Variants in SAAL1 observed in about 807,000 individuals in gnomAD.
SAAL1 encodes the protein serum amyloid A like 1, also known as protein SAAL1.
In SAAL1, 42 loss-of-function variants were observed where a neutral mutation model predicts 59.8. The ratio of observed to expected loss-of-function variants is 0.70; its 90% CI spans 0.55 to 0.91. The LOEUF (loss-of-function observed/expected upper bound fraction) is 0.91. Ranked by LOEUF, SAAL1 falls within the 40% of genes least tolerant of loss-of-function variation. SAAL1 has a pLI of 0.00. For synonymous variants in SAAL1, 191 were observed against 194.3 expected (o/e 0.98, Z 0.14); for missense variants, 542 against 561.1 (o/e 0.97, Z 0.34).
At chr11:18,081,623 A>C in intron 10 of SAAL1, 120 bp from the exon 11 acceptor site, 1 of 707,068 alleles carries the variant, frequency 1.4e-6, no homozygotes, top group Non-Finnish European at 2.5e-6. Context: ...CAAATGTCCC[A>C]CCTGAACCCA....
At chr11:18,087,565 T>G (rs1316818054) in intron 7 of SAAL1, among the ~76,000 whole-genome samples, 1 of 152,208 alleles carries the variant, frequency 6.6e-6, no homozygotes, top group Non-Finnish European at 1.5e-5. Context: ...AAAAAAAGAC[T>G]GCGATTTTTA....
chr11:18,087,780 G>T (rs1214098727), intron 7 of SAAL1, among the ~76,000 whole-genome samples: 3 of 152,178 alleles, frequency 2.0e-5, no homozygotes, highest in Non-Finnish European at 4.4e-5. Context: ...AAAAGACAGT[G>T]AACAATTAAA....
intron 4 of SAAL1, 41 bp from the exon 5 acceptor site, chr11:18,090,534 G>T: frequency 1.3e-6 from 2 of 1,575,096 alleles, no homozygotes; most frequent in Non-Finnish European, 1.7e-6. Context: ...CTCACTTCTC[G>T]CATTTAAAAT....
At chr11:18,081,286 G>A (rs1590281641) in intron 11 of SAAL1, 125 bp downstream of exon 11, 2 of 652,014 alleles carry the variant, frequency 3.1e-6, no homozygotes, top group East Asian at 2.6e-5. Context: ...TCTGACAAAG[G>A]CATTAAGTCA....
Position 18,090,442 on chromosome 11 carries a change from T to C in SAAL1, c.465A>G (p.Glu155=). The stretch of plus-strand genomic sequence containing the variant: ...TAAAAGGAAAAGCATACCTGCTTGT[T>C]TCCAGCAGAGTAGGTGGGTCTGAAT... ...LYDSDPPTLL[E]TSRLLLTCLS... The change falls in exon 5 of 12, where the codon GAA becomes GAG. Residue 155 remains glutamate, a synonymous_variant. Coordinates refer to ENST00000524803, the MANE Select transcript of SAAL1 (RefSeq NM_138421.3). 1.9e-6 allele frequency: 3 copies of C among 1,608,456 alleles called. No homozygotes were observed. The highest frequency in any genetic ancestry group is 2.5e-6 in the Non-Finnish European group (3 of 1,178,706).
At chr11:18,090,103 AAT>A in intron 6 of SAAL1, 70 bp downstream of exon 6, 1 of 1,363,498 alleles carries the variant, frequency 7.3e-7, no homozygotes, top group Non-Finnish European at 9.9e-7. Flanking sequence ...GACTTCTAGA[AAT>A]AGTTACATGG....
intron 9 of SAAL1, among the ~76,000 whole-genome samples, chr11:18,086,167 G>A (rs1848461790): frequency 6.6e-6 from 1 of 152,142 alleles, no homozygotes; most frequent in Admixed American, 6.6e-5. Context: ...ACTCTGGAAG[G>A]CAAGGCAGGA....
intron 2 of SAAL1, among the ~76,000 whole-genome samples, chr11:18,101,219 G>C (rs1848629785): frequency 6.6e-6 from 1 of 152,094 alleles, no homozygotes; most frequent in African/African-American, 2.4e-5. Context: ...AAAACAAATT[G>C]AAAGTTTCTT....
At chr11:18,085,146 G>C (rs1414294234) in intron 9 of SAAL1, among the ~76,000 whole-genome samples, 2 of 152,094 alleles carry the variant, frequency 1.3e-5, no homozygotes, top group South Asian at 2.1e-4. Context: ...AAGAAGGTAA[G>C]GATGTTTTCT....
intron 11 of SAAL1, 31 bp downstream of exon 11, chr11:18,081,380 T>G (rs1337641654): frequency 1.4e-6 from 2 of 1,462,762 alleles, no homozygotes; most frequent in Non-Finnish European, 1.9e-6. Flanking sequence ...CTACAAAACT[T>G]GGCCACCTAT....
At chr11:18,105,330 G>T (rs538015669) in intron 1 of SAAL1, among the ~76,000 whole-genome samples, 1 of 146,550 alleles carries the variant, frequency 6.8e-6, no homozygotes, top group Non-Finnish European at 1.5e-5. Context: ...CGTCACGACC[G>T]GCTTTTTTTT....
intron 2 of SAAL1, 94 bp from the exon 3 acceptor site, chr11:18,096,948 A>T (rs1848584170): frequency 1.4e-6 from 1 of 716,192 alleles, no homozygotes; most frequent in East Asian, 2.8e-5. Flanking sequence ...TAAAATTAGA[A>T]TTTTACGCCA....
chr11:18,105,173 GT>G (rs1182942994), intron 1 of SAAL1, among the ~76,000 whole-genome samples: 1 of 151,754 alleles, frequency 6.6e-6, no homozygotes, highest in Non-Finnish European at 1.5e-5. Flanking sequence ...AGGAAGCTGC[GT>G]TTTTTGTTTT....
At chr11:18,081,542 T>C (rs753950073) in intron 10 of SAAL1, 39 bp from the exon 11 acceptor site, 1 of 1,507,388 alleles carries the variant, frequency 6.6e-7, no homozygotes, top group South Asian at 1.1e-5. Flanking sequence ...AAAAGGAAAA[T>C]TTTTCAAGCT....
At chr11:18,092,392 G>C in intron 3 of SAAL1, 68 bp from the exon 4 acceptor site, 1 of 1,066,888 alleles carries the variant, frequency 9.4e-7, no homozygotes, top group South Asian at 1.3e-5. Context: ...ATATCAACTT[G>C]AACAAAAACT....
rs1237926665 is a variant in SAAL1 at position 18,081,475 on chromosome 11, C to T, written c.1268G>A (p.Gly423Asp). The change falls in exon 11 of 12, where the codon GGC (glycine) becomes GAC (aspartate). Residue 423 changes from glycine (G) to aspartate (D), a missense_variant. By Grantham distance (94) the Gly-to-Asp change is moderately conservative. Transcript: ENST00000524803. ...GGAACACTTCTGTTTGCTCAACTGGCCTTCCTTTACTCCCTGAGCCACCGT... is the reference window on the plus strand; with the variant it reads ...GGAACACTTCTGTTTGCTCAACTGGTCTTCCTTTACTCCCTGAGCCACCGT... Reference protein sequence around the residue: ...KETVAQGVKEGQLSKQKCSSA... With the variant: ...KETVAQGVKEDQLSKQKCSSA... 19 of 1,613,876 alleles carry T rather than the reference C, an allele frequency of 1.2e-5. No individual in the cohort carries two copies. Among genetic ancestry groups the T allele is most frequent in the Non-Finnish European group, 1.5e-5 (18 of 1,179,950 alleles).
At chr11:18,103,454 G>A in intron 1 of SAAL1, 108 bp from the exon 2 acceptor site, 1 of 865,116 alleles carries the variant, frequency 1.2e-6, no homozygotes, top group African/African-American at 1.7e-5. Flanking sequence ...ACGCTGATGA[G>A]AAAAAAATTT....
At chr11:18,090,339 A>G in intron 5 of SAAL1, 49 bp from the exon 6 acceptor site, 1 of 1,571,246 alleles carries the variant, frequency 6.4e-7, no homozygotes, top group Non-Finnish European at 8.6e-7. Flanking sequence ...AAAAAAAAAA[A>G]AACAGTAAAG....
chr11:18,103,119 T>A (rs575344348), intron 2 of SAAL1, 114 bp downstream of exon 2: 9 of 732,420 alleles, frequency 1.2e-5, no homozygotes, highest in African/African-American at 1.2e-4. Context: ...ATGGGTGTGA[T>A]TACAGACAGG....
Sources: gnomAD v4.1 joint callset for allele counts (sites outside exome capture counted in the v4.1 genomes callset) on GRCh38, gnomAD v4.1.1 for gene constraint, MANE v1.5 for transcripts, NCBI Gene and HGNC (gene_info 2026-07-23, HGNC 2026-07-21) for gene names.